Variants in RBKS observed in about 807,000 individuals in gnomAD.
RBKS encodes the protein ribokinase.
RBKS carries 33 observed loss-of-function variants against 33.9 expected under a neutral mutation model. The ratio of observed to expected loss-of-function variants is 0.97; its 90% CI spans 0.74 to 1.30. The LOEUF (loss-of-function observed/expected upper bound fraction) is 1.30, where lower values mean the gene tolerates loss of function less well. RBKS is among the 50% of genes most tolerant of loss of function. RBKS has a pLI of 0.00. For missense variants in RBKS, 361 were observed against 392.6 expected, an observed-to-expected ratio of 0.92 and a Z score of 0.68; for synonymous variants, 125 against 143.0, an observed-to-expected ratio of 0.87 and a Z score of 0.90.
chr2:27,837,191 G>A lies in RBKS; in HGVS notation c.515-4414C>T, dbSNP rs949105337. On this transcript the variant is annotated intron_variant, in intron 5 of 7. Coordinates refer to ENST00000302188, the MANE Select transcript of RBKS (RefSeq NM_022128.3). This position sits in a 1 kb window ranked among gnomAD's most constrained non-coding sequence, Gnocchi z 4.0. The stretch of plus-strand genomic sequence containing the variant: ...CGGGAGGCTGAGGCAGGAGAATGGC[G>A]TGAATCTGGGAGGTGGAGCTTGCAG... Among the ~76,000 whole-genome samples the A allele has an allele frequency of 1.3e-5, 2 of 151,986 alleles. No individual in the cohort carries two copies. The highest frequency in any genetic ancestry group is 2.9e-5 in the Non-Finnish European group (2 of 68,014).
chr2:27,852,451 CTT>C (rs1012164559), intron 2 of RBKS, among the ~76,000 whole-genome samples: 3 of 152,186 alleles, frequency 2.0e-5, no homozygotes, highest in African/African-American at 7.2e-5. Context: ...TTCCTTCACT[CTT>C]ATCACTGGGA....
chr2:27,834,992 T>C (rs892402241), intron 5 of RBKS, among the ~76,000 whole-genome samples: 1 of 152,140 alleles, frequency 6.6e-6, no homozygotes, highest in Non-Finnish European at 1.5e-5. Context: ...AATTATGACA[T>C]AGGCTGGGCG....
intron 7 of RBKS, among the ~76,000 whole-genome samples, chr2:27,790,039 AG>A (rs1677492407): frequency 6.7e-6 from 1 of 149,472 alleles, no homozygotes; most frequent in Non-Finnish European, 1.5e-5. Flanking sequence ...CATGTTGCCC[AG>A]GCTGGTCTTG....
intron 1 of RBKS, among the ~76,000 whole-genome samples, chr2:27,883,678 CTGCTTTG>C (rs1664466153): frequency 1.3e-5 from 2 of 152,040 alleles, no homozygotes; most frequent in Admixed American, 1.3e-4. Context: ...GCTAAAGGGA[CTGCTTTG>C]TAATAGTACA....
chr2:27,813,685 GGA>G (rs148033528), intron 7 of RBKS, among the ~76,000 whole-genome samples: 1 of 150,586 alleles, frequency 6.6e-6, no homozygotes, highest in Non-Finnish European at 1.5e-5. Flanking sequence ...ATATATGTAT[GGA>G]GAGAGAGAGA....
chr2:27,788,258 G>A (rs764123666), intron 7 of RBKS, among the ~76,000 whole-genome samples: 78 of 152,216 alleles, frequency 5.1e-4, no homozygotes, highest in Non-Finnish European at 8.8e-4. Context: ...GGAAAAAAAA[G>A]AAAGAAAAGG....
At chr2:27,882,236 AC>A (rs1664432031) in intron 1 of RBKS, among the ~76,000 whole-genome samples, 1 of 152,174 alleles carries the variant, frequency 6.6e-6, no homozygotes, top group African/African-American at 2.4e-5. Context: ...AAAAAAAACA[AC>A]CCCATTAAAA....
At chr2:27,820,102 T>A (rs1402832267) in intron 7 of RBKS, among the ~76,000 whole-genome samples, 2 of 152,224 alleles carry the variant, frequency 1.3e-5, no homozygotes, top group African/African-American at 4.8e-5. Context: ...AGAAATGATA[T>A]CACCGATCTT....
chr2:27,877,296 T>C (rs574753857), intron 1 of RBKS, among the ~76,000 whole-genome samples: 220 of 152,126 alleles, frequency 1.4e-3, no homozygotes, highest in African/African-American at 4.8e-3. Context: ...TTTTTTTTTT[T>C]CCCCTAAGAA....
intron 1 of RBKS, among the ~76,000 whole-genome samples, chr2:27,878,133 A>T (rs1329449040): frequency 6.6e-6 from 1 of 151,622 alleles, no homozygotes; most frequent in Non-Finnish European, 1.5e-5. Context: ...TGCACCCATT[A>T]ACTCGTCATT....
intron 7 of RBKS, among the ~76,000 whole-genome samples, chr2:27,818,015 C>T (rs1255393020): frequency 1.3e-5 from 2 of 152,124 alleles, no homozygotes; most frequent in East Asian, 3.9e-4. Context: ...CTGCTCCTTA[C>T]CATGGTAGGA....
At chr2:27,799,849 G>T (rs78373580) in intron 7 of RBKS, among the ~76,000 whole-genome samples, 1 of 152,252 alleles carries the variant, frequency 6.6e-6, no homozygotes, top group East Asian at 1.9e-4. Flanking sequence ...CTTGCTCTGC[G>T]CTCTCTTCCA....
At chr2:27,855,199 T>A (rs1663832844) in intron 2 of RBKS, among the ~76,000 whole-genome samples, 1 of 152,226 alleles carries the variant, frequency 6.6e-6, no homozygotes, top group Admixed American at 6.5e-5. Context: ...TGCTTGATGG[T>A]TCTGAAGGGA....
intron 1 of RBKS, among the ~76,000 whole-genome samples, chr2:27,876,657 A>C (rs1376821738): frequency 6.6e-6 from 1 of 152,106 alleles, no homozygotes; most frequent in Non-Finnish European, 1.5e-5. Context: ...CCAGGGGCTG[A>C]GGGGAGGAGG....
chr2:27,841,338 A>G (rs1311162349), intron 5 of RBKS, among the ~76,000 whole-genome samples: 1 of 152,238 alleles, frequency 6.6e-6, no homozygotes, highest in Non-Finnish European at 1.5e-5. Flanking sequence ...AAGGGATAGT[A>G]GGAAAAAAAG....
rs192473536 is a variant in RBKS, at chr2:27,884,304, A to G, written c.89+5953T>C. Among the ~76,000 whole-genome samples, 10 of 152,276 alleles carry G rather than the reference A, an allele frequency of 6.6e-5. No homozygotes were observed. In the East Asian group the frequency reaches 1.9e-3, roughly 29 times the overall value. On this transcript the variant is annotated intron_variant, in intron 1 of 7. Coordinates refer to ENST00000302188, the MANE Select transcript of RBKS (RefSeq NM_022128.3). ...CACTCTGTTGTCCAGGCTGAAGTAC[A>G]GTGTACAATCGAGGCTCACTGTAGC...
intron 1 of RBKS, among the ~76,000 whole-genome samples, chr2:27,882,883 A>C (rs979087044): frequency 1.3e-5 from 2 of 152,152 alleles, no homozygotes; most frequent in Non-Finnish European, 2.9e-5. Context: ...TGATGAGAAC[A>C]CCTGGACACA....
intron 5 of RBKS, among the ~76,000 whole-genome samples, chr2:27,839,454 G>A (rs1441470179): frequency 6.6e-6 from 1 of 152,078 alleles, no homozygotes; most frequent in Non-Finnish European, 1.5e-5. Flanking sequence ...GGGGATGGGG[G>A]TGGCTATACA....
chr2:27,839,736 A>C (rs1663435089), intron 5 of RBKS, among the ~76,000 whole-genome samples: 1 of 152,186 alleles, frequency 6.6e-6, no homozygotes, highest in African/African-American at 2.4e-5. Context: ...TGAAGACGGA[A>C]TAATGCTGTT....
Sources: gnomAD v4.1 joint callset for allele counts (sites outside exome capture counted in the v4.1 genomes callset) on GRCh38, gnomAD v4.1.1 for gene constraint, Gnocchi (gnomAD v3.1) non-coding constraint, MANE v1.5 for transcripts, NCBI Gene and HGNC (gene_info 2026-07-23, HGNC 2026-07-21) for gene names.